Variants in YEATS2 observed in about 807,000 individuals in gnomAD.
The protein encoded by YEATS2 is YEATS domain containing 2, also known as YEATS domain-containing protein 2.
Under a neutral mutation model 163.2 loss-of-function variants are expected in YEATS2, and 77 were observed. The observed-to-expected ratio is 0.47, with a 90% CI of 0.39 to 0.57. The LOEUF is 0.57. Ranked by LOEUF, YEATS2 falls within the 20% of genes least tolerant of loss-of-function variation. The pLI is 0.00. For synonymous variants in YEATS2, 631 were observed against 645.1 expected (o/e 0.98, Z 0.33); for missense variants, 1,549 against 1,729.8 (o/e 0.90, Z 1.85).
intron 19 of YEATS2, among the ~76,000 whole-genome samples, chr3:183,785,728 T>A (rs545883469): frequency 6.6e-6 from 1 of 152,300 alleles, no homozygotes; most frequent in Admixed American, 6.5e-5. Flanking sequence ...TAAGCCTATA[T>A]CTAATTTAGA....
At chr3:183,717,448 G>T (rs902062464) in intron 2 of YEATS2, among the ~76,000 whole-genome samples, 35 of 152,070 alleles carry the variant, frequency 2.3e-4, no homozygotes, top group African/African-American at 8.5e-4. Flanking sequence ...TGTCTTTTTA[G>T]GGCATGATAC....
intron 15 of YEATS2, among the ~76,000 whole-genome samples, chr3:183,766,083 T>C (rs1237932739): frequency 1.3e-5 from 2 of 152,082 alleles, no homozygotes; most frequent in African/African-American, 4.8e-5. Flanking sequence ...GCCTTTGACA[T>C]GAAAAGGGAC....
chr3:183,718,621 C>G, intron 4 of YEATS2, 29 bp downstream of exon 4: 1 of 1,531,572 alleles, frequency 6.5e-7, no homozygotes, highest in Non-Finnish European at 8.9e-7. Context: ...CAGTCATTTT[C>G]CAGCCACTCA....
chr3:183,777,737 G>C, intron 19 of YEATS2, 37 bp downstream of exon 19: 1 of 1,581,990 alleles, frequency 6.3e-7, no homozygotes, highest in Admixed American at 1.9e-5. Context: ...AATATGGGGT[G>C]ATTATGGCAT....
At chr3:183,722,193 A>G in intron 5 of YEATS2, 57 bp downstream of exon 5, 1 of 1,561,378 alleles carries the variant, frequency 6.4e-7, no homozygotes, top group South Asian at 1.2e-5. Context: ...TATATTTACT[A>G]AAGTATGCGC....
At chr3:183,774,144 T>G (rs1485740745) in intron 17 of YEATS2, among the ~76,000 whole-genome samples, 1 of 152,194 alleles carries the variant, frequency 6.6e-6, no homozygotes, top group African/African-American at 2.4e-5. Flanking sequence ...AGTCTGTTTT[T>G]GGGGATAGGT....
chr3:183,725,798 T>G (rs900394197), intron 6 of YEATS2, among the ~76,000 whole-genome samples: 3 of 152,342 alleles, frequency 2.0e-5, no homozygotes, highest in African/African-American at 7.2e-5. Context: ...CGTCCAAAGC[T>G]GAAACCAGAT....
At position 183,798,954 on chromosome 3, in the gene YEATS2, T is replaced by G; in HGVS notation, c.3290T>G (p.Val1097Gly). ...CTGCCTGTAGCTGCCCCAACTCCAGTTGTCCCCAGCTCTGCTCCAGCAGCT... is the reference window on the plus strand; with the variant it reads ...CTGCCTGTAGCTGCCCCAACTCCAGGTGTCCCCAGCTCTGCTCCAGCAGCT... ...AILPVAAPTP[V>G]VPSSAPAAVA... is the part of the protein sequence containing the mutation. The change falls in exon 23 of 31, where the codon GTT (valine) becomes GGT (glycine). Residue 1097 changes from valine (V) to glycine (G), a missense_variant. Coordinates refer to ENST00000305135, the MANE Select transcript of YEATS2 (RefSeq NM_018023.5). 2.5e-6 allele frequency: 4 copies of G among 1,614,170 alleles called. No homozygotes were observed. The South Asian group carries it at 4.4e-5, about 18-fold the overall frequency.
At chr3:183,797,453 G>T in intron 21 of YEATS2, among the ~76,000 whole-genome samples, 1 of 151,938 alleles carries the variant, frequency 6.6e-6, no homozygotes, top group African/African-American at 2.4e-5. Flanking sequence ...GCTGAGACAG[G>T]AGGATCACTT....
chr3:183,731,144 C>T (rs1717733432), intron 7 of YEATS2, among the ~76,000 whole-genome samples: 1 of 151,782 alleles, frequency 6.6e-6, no homozygotes, highest in South Asian at 2.1e-4. Flanking sequence ...ACTAAAAATA[C>T]AAAAATTAGC....
rs559590586 is a variant in YEATS2, at chr3:183,799,014, C to T, written c.3325+25C>T. The T allele has an allele frequency of 2.6e-4, 417 of 1,573,586 alleles. 6 individuals carry two copies. In the South Asian group the frequency reaches 3.6e-3, roughly 14 times the overall value. On this transcript the variant is annotated intron_variant, in intron 23 of 30. Coordinates refer to ENST00000305135, the MANE Select transcript of YEATS2 (RefSeq NM_018023.5). Reference sequence around the variant, plus strand: ...GGTACGTAGGATCTCACAGAGTTCTCGTCCAGAAGTTTTGTTACTTTTTTA... The same window carrying T: ...GGTACGTAGGATCTCACAGAGTTCTTGTCCAGAAGTTTTGTTACTTTTTTA...
intron 7 of YEATS2, among the ~76,000 whole-genome samples, chr3:183,732,979 G>T (rs1577076499): frequency 6.6e-6 from 1 of 152,258 alleles, no homozygotes; most frequent in South Asian, 2.1e-4. Flanking sequence ...TCCTACTTTA[G>T]CCTCCTGGGT....
Position 183,808,054 on chromosome 3 carries a change from G to A in YEATS2, c.4036G>A (p.Ala1346Thr). ...QKIGITLQPV[A>T]LHRNVYASVV... ...GATTGGGATCACCCTGCAGCCCGTG[G>A]CACTCCACAGGAACGTGTATGCGTC... Residue 1346 changes from alanine (A) to threonine (T), a missense_variant, in exon 29 of 31, where the codon GCA (alanine) becomes ACA (threonine). By Grantham distance (58) the Ala-to-Thr change is moderately conservative (BLOSUM62 0). Transcript: ENST00000305135. The A allele has an allele frequency of 6.4e-7, 1 of 1,563,506 alleles. No individual in the cohort carries two copies. Among genetic ancestry groups the A allele is most frequent in the Non-Finnish European group, 8.7e-7 (1 of 1,153,204 alleles).
intron 2 of YEATS2, among the ~76,000 whole-genome samples, chr3:183,716,597 G>A (rs1247451786): frequency 6.6e-6 from 1 of 152,112 alleles, no homozygotes; most frequent in Non-Finnish European, 1.5e-5. Context: ...CCAAATAAAT[G>A]TTAGAGTGTT....
At chr3:183,807,878 C>A in intron 28 of YEATS2, 152 bp from the exon 29 acceptor site, 1 of 588,700 alleles carries the variant, frequency 1.7e-6, no homozygotes, top group Admixed American at 3.2e-5. Context: ...TGTTATATTC[C>A]GTGTTCCTTT....
chr3:183,789,226 A>G (rs1724352933), intron 20 of YEATS2, among the ~76,000 whole-genome samples: 2 of 152,064 alleles, frequency 1.3e-5, no homozygotes, highest in Admixed American at 1.3e-4. Flanking sequence ...GAGTTTCCCT[A>G]ATGTTTTCTT....
intron 29 of YEATS2, chr3:183,808,808 A>G (rs1726495167): frequency 3.7e-6 from 1 of 272,286 alleles, no homozygotes; most frequent in Admixed American, 5.0e-5. Flanking sequence ...CTGAGCCAAG[A>G]TCGCGCCACT....
chr3:183,803,022 C>T, intron 25 of YEATS2: 1 of 545,844 alleles, frequency 1.8e-6, no homozygotes, highest in South Asian at 2.3e-5. Context: ...TGATTACCTT[C>T]TCTACCAAAG....
intron 24 of YEATS2, 165 bp from the exon 25 acceptor site, chr3:183,801,290 T>G: frequency 2.0e-6 from 1 of 496,256 alleles, no homozygotes; most frequent in Non-Finnish European, 3.5e-6. Flanking sequence ...CACCCCTCCT[T>G]TACAAAGAAG....
Sources: allele counts gnomAD v4.1 joint callset (sites outside exome capture counted in the v4.1 genomes callset), GRCh38; gene constraint gnomAD v4.1.1; transcripts MANE v1.5; gene names NCBI Gene and HGNC (gene_info 2026-07-23, HGNC 2026-07-21).